The following TMPRSS15 variants were observed in gnomAD, a reference collection of about 807,000 sequenced individuals.
TMPRSS15 encodes the protein transmembrane serine protease 15.
Under a neutral mutation model 125.3 loss-of-function variants are expected in TMPRSS15, and 128 were observed. The ratio of observed to expected loss-of-function variants is 1.02; its 90% CI spans 0.89 to 1.18. The LOEUF (loss-of-function observed/expected upper bound fraction) is 1.18, where lower values mean the gene tolerates loss of function less well. Ranked by LOEUF, TMPRSS15 falls within the 50% of genes most tolerant of loss-of-function variation. TMPRSS15 has a pLI of 0.00. For synonymous variants in TMPRSS15, 446 were observed against 423.2 expected, an observed-to-expected ratio of 1.05 and a Z score of -0.66; for missense variants, 1,283 against 1,212.7, an observed-to-expected ratio of 1.06 and a Z score of -0.86.
At chr21:18,295,223 C>A (rs1409390529) in intron 19 of TMPRSS15, among the ~76,000 whole-genome samples, 2 of 152,134 alleles carry the variant, frequency 1.3e-5, no homozygotes, top group Non-Finnish European at 2.9e-5. Flanking sequence ...TAAAAGAAAG[C>A]ACAGGCAAAA....
intron 13 of TMPRSS15, among the ~76,000 whole-genome samples, chr21:18,335,710 G>A (rs2146975283): frequency 6.6e-6 from 1 of 152,298 alleles, no homozygotes; most frequent in Non-Finnish European, 1.5e-5. Context: ...TAAAGAATTG[G>A]TAAAAACACT....
At chr21:18,439,221 AT>A (rs980145617) in intron 1 of TMPRSS15, among the ~76,000 whole-genome samples, 5 of 152,156 alleles carry the variant, frequency 3.3e-5, no homozygotes, top group African/African-American at 4.8e-5. Flanking sequence ...GAAGTAGTTC[AT>A]TATATTTAAA....
At chr21:18,393,657 T>C (rs1382395156) in intron 3 of TMPRSS15, among the ~76,000 whole-genome samples, 1 of 152,176 alleles carries the variant, frequency 6.6e-6, no homozygotes, top group Non-Finnish European at 1.5e-5. Flanking sequence ...AGTAAAAATT[T>C]CTTGACTCTG....
At chr21:18,375,081 CTCTG>C (rs773413936) in intron 5 of TMPRSS15, among the ~76,000 whole-genome samples, 36 of 152,276 alleles carry the variant, frequency 2.4e-4, no homozygotes, top group South Asian at 4.1e-4. Context: ...TTAAGTTGCA[CTCTG>C]TCTCTCTCCA....
chr21:18,474,505 G>A (rs1007666436), intron 1 of TMPRSS15, among the ~76,000 whole-genome samples: 2 of 151,962 alleles, frequency 1.3e-5, no homozygotes, highest in Admixed American at 1.3e-4. Flanking sequence ...GGTCAGGCTG[G>A]TCTCAAACTC....
chr21:18,405,519 G>A (rs935599791), upstream of TMPRSS15, among the ~76,000 whole-genome samples: 1 of 152,146 alleles, frequency 6.6e-6, no homozygotes, highest in Non-Finnish European at 1.5e-5. Flanking sequence ...ACAAAGCTGT[G>A]ATATAAAGAG....
At chr21:18,322,731 T>A (rs557093172) in intron 16 of TMPRSS15, among the ~76,000 whole-genome samples, 1 of 151,920 alleles carries the variant, frequency 6.6e-6, no homozygotes, top group Non-Finnish European at 1.5e-5. Flanking sequence ...AGAAGGGTAG[T>A]GGGGAGGGAG....
intron 1 of TMPRSS15, among the ~76,000 whole-genome samples, chr21:18,433,663 C>CAAAAAAAAAAAAAAAAAAAA (rs58432155): frequency 3.4e-4 from 21 of 62,400 alleles, no homozygotes; most frequent in East Asian, 5.1e-4. Context: ...GACCTTGTCT[C>CAAAAAAAAAAAAAAAAAAAA]AAAAAAAAAA....
chr21:18,397,382 T>C (rs1410500988), intron 3 of TMPRSS15, among the ~76,000 whole-genome samples: 1 of 152,202 alleles, frequency 6.6e-6, no homozygotes, highest in East Asian at 1.9e-4. Flanking sequence ...TTCCATATGT[T>C]ACAGATTCAA....
intron 3 of TMPRSS15, among the ~76,000 whole-genome samples, chr21:18,388,398 T>C (rs1193081638): frequency 6.6e-6 from 1 of 152,118 alleles, no homozygotes; most frequent in Non-Finnish European, 1.5e-5. Context: ...ATCAGAAAAA[T>C]TTGGGATTTT....
chr21:18,280,957 G>A, intron 22 of TMPRSS15, 83 bp downstream of exon 22: 3 of 1,353,060 alleles, frequency 2.2e-6, no homozygotes, highest in Non-Finnish European at 3.1e-6. Flanking sequence ...ATGAATTAAT[G>A]CATTGACATT....
intron 8 of TMPRSS15, among the ~76,000 whole-genome samples, chr21:18,356,744 GC>G (rs2075629000): frequency 6.6e-6 from 1 of 151,778 alleles, no homozygotes; most frequent in South Asian, 2.1e-4. Flanking sequence ...TGTTGAAAAT[GC>G]TTTACTTTGA....
chr21:18,434,898 T>G (rs1461861486), intron 1 of TMPRSS15, among the ~76,000 whole-genome samples: 1 of 152,112 alleles, frequency 6.6e-6, no homozygotes, highest in Non-Finnish European at 1.5e-5. Flanking sequence ...AAATTGAGTC[T>G]TTCATCTGTA....
chr21:18,471,884 G>A (rs1415839966), intron 1 of TMPRSS15, among the ~76,000 whole-genome samples: 1 of 152,080 alleles, frequency 6.6e-6, no homozygotes, highest in Non-Finnish European at 1.5e-5. Context: ...TAACATGAAG[G>A]GAATCAGCGA....
chr21:18,350,120 A>G (rs2075549972), intron 10 of TMPRSS15, among the ~76,000 whole-genome samples: 1 of 152,076 alleles, frequency 6.6e-6, no homozygotes, highest in South Asian at 2.1e-4. Context: ...AGATTATTTG[A>G]CTGTTTTAGG....
At chr21:18,331,072 CAAA>C (rs34006357) in intron 14 of TMPRSS15, among the ~76,000 whole-genome samples, 9 of 89,718 alleles carry the variant, frequency 1.0e-4, no homozygotes, top group Admixed American at 2.5e-4. Flanking sequence ...GACTCCATCT[CAAA>C]AAAAAAAAAA....
At chr21:18,480,738 G>A (rs1012210196) in intron 1 of TMPRSS15, among the ~76,000 whole-genome samples, 8 of 151,788 alleles carry the variant, frequency 5.3e-5, no homozygotes, top group African/African-American at 1.9e-4. Flanking sequence ...AAATCTATGT[G>A]ACTCAAAGGG....
chr21:18,331,997 A>G (rs918449394), intron 14 of TMPRSS15, 87 bp downstream of exon 14: 2 of 1,222,342 alleles, frequency 1.6e-6, no homozygotes, highest in Non-Finnish European at 2.4e-6. Context: ...TGTTTGACAA[A>G]TTTATAATCT....
chr21:18,287,915 C>T (rs1428157229), intron 21 of TMPRSS15, among the ~76,000 whole-genome samples: 2 of 152,154 alleles, frequency 1.3e-5, no homozygotes, highest in Admixed American at 1.3e-4. Flanking sequence ...GAAATCTCTA[C>T]TGTCTATGAC....
Sources: gnomAD v4.1 joint callset for allele counts (sites outside exome capture counted in the v4.1 genomes callset) on GRCh38, gnomAD v4.1.1 for gene constraint, MANE v1.5 for transcripts, NCBI Gene and HGNC (gene_info 2026-07-23, HGNC 2026-07-21) for gene names.